Variants in PRRT3 observed in about 807,000 individuals in gnomAD.
PRRT3 encodes the protein proline-rich transmembrane protein 3.
PRRT3 carries 48 observed loss-of-function variants against 56.6 expected under a neutral mutation model. The ratio of observed to expected loss-of-function variants is 0.85; its 90% CI spans 0.67 to 1.08. The LOEUF (loss-of-function observed/expected upper bound fraction) is 1.08. Among genes scored for constraint, PRRT3 ranks in the 50% least tolerant of loss-of-function variants. The probability of loss-of-function intolerance (pLI) is 0.00; values close to 1 mark genes in which losing one functional copy is unlikely to be tolerated. For synonymous variants in PRRT3, 641 were observed against 619.1 expected (o/e 1.04, Z -0.52); for missense variants, 1,370 against 1,353.1 (o/e 1.01, Z -0.20).
chr3:9,947,730 G>A lies in PRRT3; in HGVS notation c.1443C>T (p.Leu481=), dbSNP rs200347873. The change falls in exon 4 of 4, where the codon CTC becomes CTT. Residue 481 remains leucine, a synonymous_variant. Coordinates refer to ENST00000412055, the MANE Select transcript of PRRT3 (RefSeq NM_207351.5). This position sits in a 1 kb window ranked among gnomAD's most constrained non-coding sequence, Gnocchi z 9.2. ...WELHVYGVGV[L]FLLPALLALA... is the part of the protein sequence containing the mutation. ...GCGCCAACAACGCGGGCAGCAGAAA[G>A]AGTACCCCCACCCCGTAGACGTGCA... The A allele has an allele frequency of 2.2e-3, 3,431 of 1,558,866 alleles. 6 individuals are homozygous for A. The highest frequency in any genetic ancestry group is 2.7e-3 in the Non-Finnish European group (3,087 of 1,156,286).
Position 9,947,546 on chromosome 3 carries a change from G to A in PRRT3, c.1627C>T (p.Leu543=), listed in dbSNP as rs1039673762. The A allele has an allele frequency of 1.2e-6, 2 of 1,611,128 alleles. No individual in the cohort carries two copies. Among genetic ancestry groups the A allele is most frequent in the East Asian group, 2.2e-5 (1 of 44,844 alleles). ...GCCGTAAGCAGCAAGGGGAAGGGCA[G>A]GTTGTAGAGCACCAGGCCCCCGCGA... ...GVRGGLVLYN[L]PFPLLLTALA... Residue 543 remains leucine, a synonymous_variant, in exon 4 of 4, where the codon CTG becomes TTG. Coordinates refer to ENST00000412055, the MANE Select transcript of PRRT3 (RefSeq NM_207351.5). This position sits in a 1 kb window ranked among gnomAD's most constrained non-coding sequence, Gnocchi z 9.2.
chr3:9,951,726 A>AC (rs994711123), intron 1 of PRRT3, among the ~76,000 whole-genome samples: 6 of 152,110 alleles, frequency 3.9e-5, no homozygotes, highest in Admixed American at 3.9e-4. Flanking sequence ...TGAGCTTAGC[A>AC]ACACGTCACT....
rs759056346 is a variant in PRRT3, at chr3:9,946,494, G to T, written c.2679C>A (p.Asp893Glu). The change falls in exon 4 of 4, where the codon GAC becomes GAA. Residue 893 changes from aspartate (D) to glutamate (E), a missense_variant. Physicochemically the swap from Asp to Glu is conservative, Grantham distance 45 (BLOSUM62 2). Coordinates refer to ENST00000412055, the MANE Select transcript of PRRT3 (RefSeq NM_207351.5). This position sits in a 1 kb window ranked among gnomAD's most constrained non-coding sequence, Gnocchi z 4.1. ...PVPQHVVEAP[D>E]GAAAAASGSS... ...TGCCAGAAGCCGCAGCGGCTGCCCCGTCGGGTGCTTCCACTACGTGCTGTG... is the reference window on the plus strand; with the variant it reads ...TGCCAGAAGCCGCAGCGGCTGCCCCTTCGGGTGCTTCCACTACGTGCTGTG... 4.2e-5 allele frequency: 64 copies of T among 1,541,906 alleles called. No homozygotes were observed. The highest frequency in any genetic ancestry group is 5.5e-5 in the Non-Finnish European group (63 of 1,143,072).
At position 9,948,852 on chromosome 3, in the gene PRRT3, C is replaced by T; in HGVS notation, c.1077G>A (p.Glu359=). Residue 359 remains glutamate (E), a synonymous_variant, in exon 3 of 4, where the codon GAG becomes GAA. Transcript: ENST00000412055. ...ISPQRVRGAV[E]APGTPKSLIP... is the part of the protein sequence containing the mutation. ...TGAGAGACTTGGGGGTGCCTGGGGC[C>T]TCCACAGCTCCTCTCACCCGCTGGG... The T allele has an allele frequency of 6.2e-7, 1 of 1,610,522 alleles. No homozygotes were observed. Among genetic ancestry groups the T allele is most frequent in the Non-Finnish European group, 8.5e-7 (1 of 1,178,102 alleles).
rs755582691 is a variant in PRRT3, at chr3:9,949,469, C to T, written c.647G>A (p.Gly216Asp). 7 of 1,613,976 alleles carry T rather than the reference C, an allele frequency of 4.3e-6. No individual in the cohort carries two copies. In the East Asian group the frequency reaches 8.9e-5, roughly 21 times the overall value. Residue 216 changes from glycine (G) to aspartate (D), a missense_variant, in exon 2 of 4, where the codon GGT (glycine) becomes GAT (aspartate). By Grantham distance (94) the Gly-to-Asp change is moderately conservative. Transcript: ENST00000412055. The surrounding 1 kb of genome is among the most constrained non-coding windows in gnomAD (Gnocchi z 4.5). ...GPPHTLVSHS[G>D]TVKRPVLEGQ... ...TTCCAGCACTGGCCTCTTGACAGTA[C>T]CTGAGTGGGAAACAAGGGTGTGGGG...
intron 2 of PRRT3, 80 bp from the exon 3 acceptor site, chr3:9,948,993 C>T: frequency 6.6e-7 from 1 of 1,517,180 alleles, no homozygotes; most frequent in Non-Finnish European, 8.8e-7. Flanking sequence ...CACAATCAAC[C>T]TCATTTGCCA....
intron 1 of PRRT3, among the ~76,000 whole-genome samples, chr3:9,951,547 A>G (rs1678376210): frequency 6.6e-6 from 1 of 152,224 alleles, no homozygotes; most frequent in African/African-American, 2.4e-5. Context: ...TTTCTCAAAC[A>G]TTCACGGAGC....
intron 1 of PRRT3, among the ~76,000 whole-genome samples, chr3:9,951,509 G>A (rs1158825145): frequency 6.6e-6 from 1 of 152,224 alleles, no homozygotes; most frequent in African/African-American, 2.4e-5. Flanking sequence ...CTCGAGTTTA[G>A]ACTCTGTCTT....
At position 9,947,562 on chromosome 3, in the gene PRRT3, G is replaced by T; in HGVS notation, c.1611C>A (p.Gly537=). ...GGAAGGGCAGGTTGTAGAGCACCAG[G>T]CCCCCGCGAACGCCCAGCCGCGCCT... ...GSQARLGVRG[G]LVLYNLPFPL... Residue 537 remains glycine, a synonymous_variant, in exon 4 of 4, where the codon GGC becomes GGA. Transcript: ENST00000412055. This position sits in a 1 kb window ranked among gnomAD's most constrained non-coding sequence, Gnocchi z 9.2. 1 of 1,606,816 alleles carries T rather than the reference G, an allele frequency of 6.2e-7. No homozygotes were observed. The highest frequency in any genetic ancestry group is 8.5e-7 in the Non-Finnish European group (1 of 1,177,418).
chr3:9,948,466 AC>A (rs1397800246), intron 3 of PRRT3: 1 of 478,102 alleles, frequency 2.1e-6, no homozygotes, highest in African/African-American at 2.0e-5. Flanking sequence ...AGCTGGGACT[AC>A]AGGTATGCAC....
Position 9,949,524 on chromosome 3 carries a change from G to A in PRRT3, c.592C>T (p.Pro198Ser). The change falls in exon 2 of 4, where the codon CCC becomes TCC. Residue 198 changes from proline (P) to serine (S), a missense_variant. Coordinates refer to ENST00000412055, the MANE Select transcript of PRRT3 (RefSeq NM_207351.5). The surrounding 1 kb of genome is among the most constrained non-coding windows in gnomAD (Gnocchi z 4.5). The stretch of plus-strand genomic sequence containing the variant: ...CCCTGGTGGTCTGAGGGAGAAGTGG[G>A]TGGGACCCTGCTCTTAGTTTTGGCC... The part of the protein sequence containing the change: ...LKAKTKSRVP[P>S]TSPSDHQGPP... 4 of 1,614,080 alleles carry A rather than the reference G, an allele frequency of 2.5e-6. No individual in the cohort carries two copies. The highest frequency in any genetic ancestry group is 3.4e-6 in the Non-Finnish European group (4 of 1,180,034).
At position 9,947,231 on chromosome 3, in the gene PRRT3, G is replaced by T. The variant is rs1398486271; in HGVS notation, c.1942C>A (p.Leu648Met). ...RLLAVAGALG[L>M]LASGLQLAAA... ...GCCAGCTGCAAGCCGCTAGCCAGCA[G>T]CCCCAGCGCGCCCGCCACAGCCAAC... The change falls in exon 4 of 4, where the codon CTG becomes ATG. Residue 648 changes from leucine to methionine, a missense_variant. Physicochemically the swap from Leu to Met is conservative, Grantham distance 15. Coordinates refer to ENST00000412055, the MANE Select transcript of PRRT3 (RefSeq NM_207351.5). This position sits in a 1 kb window ranked among gnomAD's most constrained non-coding sequence, Gnocchi z 9.2. The T allele has an allele frequency of 6.7e-7, 1 of 1,485,154 alleles. No homozygotes were observed. The highest frequency in any genetic ancestry group is 8.9e-7 in the Non-Finnish European group (1 of 1,126,004). 92.0% of individuals were successfully genotyped at this position (1,485,154 alleles called of 1,614,324 possible).
chr3:9,950,930 C>T (rs1340166349), intron 1 of PRRT3, among the ~76,000 whole-genome samples: 2 of 152,198 alleles, frequency 1.3e-5, no homozygotes, highest in Non-Finnish European at 2.9e-5. Context: ...GGAGTCATTT[C>T]ACCTCTCTGC....
Position 9,946,117 on chromosome 3 carries a change from T to G in PRRT3, c.*110A>C. The G allele has an allele frequency of 7.8e-5, 112 of 1,436,904 alleles. No homozygotes were observed. The highest frequency in any genetic ancestry group is 9.4e-5 in the Non-Finnish European group (103 of 1,090,124). 89.0% of individuals were successfully genotyped at this position (1,436,904 alleles called of 1,614,324 possible). A position where few individuals can be genotyped will look rare whatever the true frequency, so the allele number is the denominator to read the frequency against. On this transcript the variant is annotated 3_prime_UTR_variant, in exon 4 of 4. Transcript: ENST00000412055. The surrounding 1 kb of genome is among the most constrained non-coding windows in gnomAD (Gnocchi z 4.1). ...TCCCAAAGTGCTGGGATTCCTGGCG[T>G]GAGCCACCGCGCCTGGCCAGGATGC...
In PRRT3 at chr3:9,947,077, G is replaced by C; in HGVS notation, c.2096C>G (p.Ala699Gly). The C allele has an allele frequency of 6.5e-7, 1 of 1,534,360 alleles. No individual in the cohort carries two copies. Among genetic ancestry groups the C allele is most frequent in the Non-Finnish European group, 8.7e-7 (1 of 1,145,108 alleles). The change falls in exon 4 of 4, where the codon GCT becomes GGT. Residue 699 changes from alanine to glycine, a missense_variant. Coordinates refer to ENST00000412055, the MANE Select transcript of PRRT3 (RefSeq NM_207351.5). The surrounding 1 kb of genome is among the most constrained non-coding windows in gnomAD (Gnocchi z 9.2). ...CGTGGGCGGCCTGGGTCTCGCGGCA[G>C]CCACCGCGGCCAACGCCAGGGCGAG... ...WALALALAAV[A>G]AARPRPPTEH...
At position 9,948,806 on chromosome 3, in the gene PRRT3, C is replaced by T. The variant is rs1324133374; in HGVS notation, c.1123G>A (p.Gly375Ser). 2 of 1,613,934 alleles carry T rather than the reference C, an allele frequency of 1.2e-6. No individual in the cohort carries two copies. Among genetic ancestry groups the T allele is most frequent in the Non-Finnish European group, 1.7e-6 (2 of 1,179,956 alleles). ...CTCTCTGTTCGGTTTACAGCTGGGC[C>T]AGGGTCTGAGGGACCAGGGATGAGA... is the stretch of plus-strand genomic sequence containing the variant. ...KSLIPGPSDP[G>S]PAVNRTESPM... Residue 375 changes from glycine (G) to serine (S), a missense_variant, in exon 3 of 4, where the codon GGC becomes AGC. By Grantham distance (56) the Gly-to-Ser change is moderately conservative. Transcript: ENST00000412055.
rs771451966 is a variant in PRRT3 at position 9,947,524 on chromosome 3, G to C, written c.1649C>G (p.Thr550Arg). ...LYNLPFPLLLTALAALTLLGL... is the reference protein window; with the variant it reads ...LYNLPFPLLLRALAALTLLGL... ...GAGCAGAGTCAGGGCTGCCAGCGCC[G>C]TAAGCAGCAAGGGGAAGGGCAGGTT... is the stretch of plus-strand genomic sequence containing the variant. The change falls in exon 4 of 4, where the codon ACG becomes AGG. Residue 550 changes from threonine (T) to arginine (R), a missense_variant. Thr to Arg is a moderately conservative substitution (Grantham distance 71). Coordinates refer to ENST00000412055, the MANE Select transcript of PRRT3 (RefSeq NM_207351.5). The surrounding 1 kb of genome is among the most constrained non-coding windows in gnomAD (Gnocchi z 9.2). The C allele has an allele frequency of 1.2e-6, 2 of 1,611,668 alleles. No homozygotes were observed. The highest frequency in any genetic ancestry group is 4.5e-5 in the East Asian group (2 of 44,850).
Position 9,949,680 on chromosome 3 carries a change from G to A in PRRT3, c.436C>T (p.Pro146Ser). The A allele has an allele frequency of 6.2e-7, 1 of 1,614,096 alleles. No individual in the cohort carries two copies. Among genetic ancestry groups the A allele is most frequent in the Non-Finnish European group, 8.5e-7 (1 of 1,180,008 alleles). The change falls in exon 2 of 4, where the codon CCA becomes TCA. Residue 146 changes from proline to serine, a missense_variant. By Grantham distance (74) the Pro-to-Ser change is moderately conservative. Transcript: ENST00000412055. This position sits in a 1 kb window ranked among gnomAD's most constrained non-coding sequence, Gnocchi z 4.5. ...LLQQEAVAPH[P>S]VGHPHLTFIP... ...AAAGTGAGATGAGGGTGGCCCACTG[G>A]GTGGGGAGCCACTGCTTCTTGCTGC...
chr3:9,947,027 T>G lies in PRRT3; in HGVS notation c.2146A>C (p.Met716Leu), dbSNP rs1559342260. The G allele has an allele frequency of 6.5e-7, 1 of 1,539,826 alleles. No homozygotes were observed. Among genetic ancestry groups the G allele is most frequent in the South Asian group, 1.2e-5 (1 of 84,378 alleles). ...PTEHACWAKL[M>L]RLACPAPSGK... is the part of the protein sequence containing the mutation. ...GACGGCGCCGGGCACGCCAGACGCATCAGCTTAGCCCAGCAAGCGTGCTCC... is the reference window on the plus strand; with the variant it reads ...GACGGCGCCGGGCACGCCAGACGCAGCAGCTTAGCCCAGCAAGCGTGCTCC... The change falls in exon 4 of 4, where the codon ATG (methionine) becomes CTG (leucine). Residue 716 changes from methionine (M) to leucine (L), a missense_variant. Coordinates refer to ENST00000412055, the MANE Select transcript of PRRT3 (RefSeq NM_207351.5). This position sits in a 1 kb window ranked among gnomAD's most constrained non-coding sequence, Gnocchi z 9.2.
Sources: gnomAD v4.1 joint callset for allele counts (sites outside exome capture counted in the v4.1 genomes callset) on GRCh38, gnomAD v4.1.1 for gene constraint, Gnocchi (gnomAD v3.1) non-coding constraint, MANE v1.5 for transcripts, NCBI Gene and HGNC (gene_info 2026-07-23, HGNC 2026-07-21) for gene names.